The following TTC28 variants were observed in gnomAD, a reference collection of about 807,000 sequenced individuals.
TTC28 encodes tetratricopeptide repeat domain 28.
In TTC28, 61 loss-of-function variants were observed where a neutral mutation model predicts 198.0. The observed-to-expected ratio is 0.31, with a 90% CI of 0.25 to 0.38. The LOEUF (loss-of-function observed/expected upper bound fraction) is 0.38, where lower values mean the gene tolerates loss of function less well. TTC28 is among the 10% of genes least tolerant of loss of function. The pLI, the probability that TTC28 is intolerant of heterozygous loss-of-function variation, is 1.00. For missense variants in TTC28, 2,678 were observed against 3,164.0 expected (o/e 0.85, Z 3.69); for synonymous variants, 1,171 against 1,297.8 (o/e 0.90, Z 2.10).
intron 5 of TTC28, among the ~76,000 whole-genome samples, chr22:28,164,818 G>A (rs189500817): frequency 6.6e-6 from 1 of 152,186 alleles, no homozygotes; most frequent in Non-Finnish European, 1.5e-5. Flanking sequence ...GTTGAGAGAA[G>A]AAGGCTTAAA....
chr22:28,515,295 A>G (rs958387628), intron 2 of TTC28, among the ~76,000 whole-genome samples: 1 of 152,210 alleles, frequency 6.6e-6, no homozygotes, highest in Admixed American at 6.5e-5. Context: ...TCCAAATAGT[A>G]AAAAACCTTC....
chr22:28,307,907 T>G (rs1463743766), intron 2 of TTC28, among the ~76,000 whole-genome samples: 2 of 152,074 alleles, frequency 1.3e-5, no homozygotes, highest in Admixed American at 6.5e-5. Context: ...ATTTAAAAAT[T>G]TTATATTACA....
chr22:27,982,233 A>G lies in TTC28; in HGVS notation c.7434T>C (p.Ser2478=). The change falls in exon 23 of 23, where the codon TCT becomes TCC. Residue 2478 remains serine, a synonymous_variant. Coordinates refer to ENST00000397906, the MANE Select transcript of TTC28 (RefSeq NM_001145418.2). The surrounding 1 kb of genome is among the most constrained non-coding windows in gnomAD (Gnocchi z 5.2). The stretch of plus-strand genomic sequence containing the variant: ...TATAAAAGATGCTTTAGCATTTGGA[A>G]GAAGGGAAAAATCTTCCTGGAGACA... ...KFLSPGRFFP[S]SKC is the part of the protein sequence containing the mutation. 6.8e-7 allele frequency: 1 copy of G among 1,465,196 alleles called. No individual in the cohort carries two copies. Among genetic ancestry groups the G allele is most frequent in the Non-Finnish European group, 9.0e-7 (1 of 1,108,002 alleles). 90.8% of individuals were successfully genotyped at this position (1,465,196 alleles called of 1,614,324 possible).
At chr22:28,516,082 G>T (rs1043392212) in intron 2 of TTC28, among the ~76,000 whole-genome samples, 2 of 151,230 alleles carry the variant, frequency 1.3e-5, no homozygotes, top group East Asian at 3.9e-4. Context: ...GGAGGCGGAG[G>T]TTGCAGTGAG....
intron 2 of TTC28, among the ~76,000 whole-genome samples, chr22:28,511,760 G>C (rs1226105660): frequency 1.3e-5 from 2 of 151,824 alleles, no homozygotes; most frequent in Non-Finnish European, 2.9e-5. Context: ...GGAGGTTGCA[G>C]TGAGCTGAGA....
intron 5 of TTC28, among the ~76,000 whole-genome samples, chr22:28,257,747 TATATATATATATATATATATATA>T (rs1931038350): frequency 3.0e-5 from 1 of 33,506 alleles, no homozygotes; most frequent in Non-Finnish European, 7.5e-5. Context: ...AACATATATA[TATATATATATATATATATATATA>T]TATATATATA....
intron 12 of TTC28, among the ~76,000 whole-genome samples, chr22:28,057,413 C>T (rs889904075): frequency 3.3e-5 from 5 of 152,032 alleles, no homozygotes; most frequent in African/African-American, 1.2e-4. Flanking sequence ...TTTTGATGTG[C>T]ACACTCTCAT....
intron 2 of TTC28, among the ~76,000 whole-genome samples, chr22:28,323,853 G>C (rs1309068778): frequency 6.6e-6 from 1 of 152,052 alleles, no homozygotes; most frequent in Non-Finnish European, 1.5e-5. Context: ...GAATAAGAAA[G>C]GATCCTAAAA....
chr22:28,640,688 A>C (rs962374102), intron 1 of TTC28, among the ~76,000 whole-genome samples: 3 of 152,184 alleles, frequency 2.0e-5, no homozygotes, highest in Non-Finnish European at 4.4e-5. Context: ...CGGAAGCTGA[A>C]ATAGCACCTA....
intron 2 of TTC28, among the ~76,000 whole-genome samples, chr22:28,573,052 G>GT (rs1477903541): frequency 3.3e-5 from 5 of 150,906 alleles, no homozygotes; most frequent in Admixed American, 3.3e-4. Flanking sequence ...AGCCTGGGAG[G>GT]TCAAGGTTGC....
In TTC28 at chr22:28,096,283, T is replaced by C. The variant is rs2146864059; in HGVS notation, c.3673A>G (p.Ile1225Val). The C allele has an allele frequency of 6.4e-7, 1 of 1,551,772 alleles. No individual in the cohort carries two copies. Among genetic ancestry groups the C allele is most frequent in the Non-Finnish European group, 8.7e-7 (1 of 1,147,002 alleles). The change falls in exon 11 of 23, where the codon ATC (isoleucine) becomes GTC (valine). Residue 1225 changes from isoleucine to valine, a missense_variant. By Grantham distance (29) the Ile-to-Val change is conservative. Transcript: ENST00000397906. ...DPYSPVTIDQ[I>V]LEMVNGQRGL... ...CTCTGGCCATTTACCATCTCTAAGA[T>C]CTGATCAATAGTGACTGGGGAGTAG...
intron 5 of TTC28, among the ~76,000 whole-genome samples, chr22:28,166,910 T>C (rs1454050762): frequency 2.0e-5 from 3 of 151,860 alleles, no homozygotes; most frequent in African/African-American, 4.8e-5. Context: ...ATCAACAAAA[T>C]TGATGGACTG....
intron 2 of TTC28, among the ~76,000 whole-genome samples, chr22:28,473,202 T>C (rs1194055758): frequency 2.0e-5 from 3 of 152,210 alleles, no homozygotes; most frequent in African/African-American, 7.2e-5. Context: ...ACTTAGTAAC[T>C]GTCAAAAATA....
At chr22:28,378,413 C>T (rs1192779084) in intron 2 of TTC28, among the ~76,000 whole-genome samples, 1 of 150,346 alleles carries the variant, frequency 6.7e-6, no homozygotes, top group Non-Finnish European at 1.5e-5. Flanking sequence ...GTAATCTCAG[C>T]ACTATGGGAG....
chr22:28,576,478 T>C (rs1601585345), intron 2 of TTC28, among the ~76,000 whole-genome samples: 1 of 152,072 alleles, frequency 6.6e-6, no homozygotes, highest in Non-Finnish European at 1.5e-5. Flanking sequence ...CTAGTTTTCG[T>C]AGTGGTAATA....
intron 5 of TTC28, among the ~76,000 whole-genome samples, chr22:28,273,537 T>TA (rs544602195): frequency 2.6e-4 from 39 of 148,510 alleles, no homozygotes; most frequent in African/African-American, 6.2e-4. Flanking sequence ...TATAGGATAG[T>TA]AAAAAAAAAA....
intron 6 of TTC28, among the ~76,000 whole-genome samples, chr22:28,123,286 C>T (rs2146944509): frequency 6.6e-6 from 1 of 151,936 alleles, no homozygotes; most frequent in Admixed American, 6.6e-5. Context: ...GATGGAGTCT[C>T]ACTCTCGTGC....
chr22:28,442,576 T>C (rs1395640926), intron 2 of TTC28, among the ~76,000 whole-genome samples: 1 of 152,252 alleles, frequency 6.6e-6, no homozygotes, highest in Non-Finnish European at 1.5e-5. Flanking sequence ...TAGTAGGTCT[T>C]GGCTGGCTCC....
chr22:28,309,858 A>G (rs1265881170), intron 2 of TTC28, among the ~76,000 whole-genome samples: 1 of 152,148 alleles, frequency 6.6e-6, no homozygotes, highest in African/African-American at 2.4e-5. Context: ...CCTAAGTACA[A>G]TGATTTTAGG....
Sources: allele counts gnomAD v4.1 joint callset (sites outside exome capture counted in the v4.1 genomes callset), GRCh38; gene constraint gnomAD v4.1.1; non-coding constraint Gnocchi (gnomAD v3.1); transcripts MANE v1.5; gene names NCBI Gene and HGNC (gene_info 2026-07-23, HGNC 2026-07-21).